The following NPFFR1 variants were observed in gnomAD, a reference collection of about 807,000 sequenced individuals.
NPFFR1 encodes the protein G-protein coupled receptor 147.
Under a neutral mutation model 12.7 loss-of-function variants are expected in NPFFR1, and 17 were observed. The ratio of observed to expected loss-of-function variants is 1.34; its 90% CI spans 0.92 to 2.01. The LOEUF (loss-of-function observed/expected upper bound fraction) is 2.01. NPFFR1 is among the 30% of genes most tolerant of loss of function. NPFFR1 has a pLI of 0.00. For missense variants in NPFFR1, 604 were observed against 606.5 expected, an observed-to-expected ratio of 1.00 and a Z score of 0.04; for synonymous variants, 296 against 264.5, an observed-to-expected ratio of 1.12 and a Z score of -1.16.
intron 1 of NPFFR1, among the ~76,000 whole-genome samples, chr10:70,272,272 G>T (rs1014854586): frequency 1.2e-4 from 14 of 115,090 alleles, no homozygotes; most frequent in African/African-American, 4.4e-4. Context: ...ATAATAGAAA[G>T]AAAACAATCC....
At chr10:70,281,145 G>A (rs1341278091) in intron 1 of NPFFR1, among the ~76,000 whole-genome samples, 1 of 152,170 alleles carries the variant, frequency 6.6e-6, no homozygotes, top group East Asian at 1.9e-4. Context: ...GATTTCAGCT[G>A]GGGTGAATGG....
intron 1 of NPFFR1, among the ~76,000 whole-genome samples, chr10:70,282,752 C>G (rs1430564355): frequency 6.6e-6 from 1 of 152,174 alleles, no homozygotes; most frequent in Non-Finnish European, 1.5e-5. Flanking sequence ...ATCTCAAAGA[C>G]ACCCAGCAAG....
chr10:70,272,179 G>A (rs1281814740), intron 1 of NPFFR1, among the ~76,000 whole-genome samples: 1 of 46,098 alleles, frequency 2.2e-5, no homozygotes, highest in African/African-American at 9.2e-5. Flanking sequence ...AAGAAAGAAG[G>A]GAGGGAGGGA....
chr10:70,257,482 C>G (rs774607277), intron 3 of NPFFR1, among the ~76,000 whole-genome samples: 6 of 152,220 alleles, frequency 3.9e-5, no homozygotes, highest in Non-Finnish European at 8.8e-5. Context: ...TCGCCATTCT[C>G]TAGTGTCAAT....
chr10:70,283,642 G>A (rs1289257667), intron 1 of NPFFR1, 28 bp downstream of exon 1: 1 of 1,533,114 alleles, frequency 6.5e-7, no homozygotes, highest in Non-Finnish European at 8.7e-7. Context: ...CTGCCCCACG[G>A]CTGGCCCCCA....
At position 70,248,467 on chromosome 10, in the gene NPFFR1, G is replaced by GTGTT; in HGVS notation, c.*6489_*6490insAACA. The GTGTT allele has an allele frequency of 1.0e-5, 1 of 96,744 alleles. No homozygotes were observed. Among genetic ancestry groups the GTGTT allele is most frequent in the Admixed American group, 1.2e-4 (1 of 8,466 alleles). 6.0% of individuals were successfully genotyped at this position (96,744 alleles called of 1,614,324 possible). A position where few individuals can be genotyped will look rare whatever the true frequency, so the allele number is the denominator to read the frequency against. ...CAAAGTACGTAGTACTATGCCTGGC[G>GTGTT]TTTTTTTTTTGTTTTTTGTTTTTTT... On this transcript the variant is annotated 3_prime_UTR_variant, in exon 4 of 4. Transcript: ENST00000277942.
chr10:70,263,785 A>T (rs540939381), intron 2 of NPFFR1, among the ~76,000 whole-genome samples: 1 of 151,978 alleles, frequency 6.6e-6, no homozygotes, highest in African/African-American at 2.4e-5. Flanking sequence ...TAAAAAAAAA[A>T]CAAAACCAAC....
At chr10:70,278,248 G>A (rs975906611) in intron 1 of NPFFR1, among the ~76,000 whole-genome samples, 3 of 151,872 alleles carry the variant, frequency 2.0e-5, no homozygotes, top group African/African-American at 7.3e-5. Context: ...TATCCAGCAA[G>A]AGGGACTCCA....
rs1840464186 is a variant in NPFFR1 at position 70,247,731 on chromosome 10, C to G, written c.*7226G>C. On this transcript the variant is annotated 3_prime_UTR_variant, in exon 4 of 4. Transcript: ENST00000277942. Reference sequence around the variant, plus strand: ...ACCCACATTAATTTGGTTGCTTGCACATGACAACAGCATCATTTATTGGTG... The same window carrying G: ...ACCCACATTAATTTGGTTGCTTGCAGATGACAACAGCATCATTTATTGGTG... 1 of 152,226 alleles carries G rather than the reference C, an allele frequency of 6.6e-6. No homozygotes were observed. Among genetic ancestry groups the G allele is most frequent in the Non-Finnish European group, 1.5e-5 (1 of 68,050 alleles). The allele number at this position is 152,226 out of a possible 1,614,324, so 9.4% of individuals were successfully genotyped here. A position where few individuals can be genotyped will look rare whatever the true frequency, so the allele number is the denominator to read the frequency against.
intron 1 of NPFFR1, among the ~76,000 whole-genome samples, chr10:70,272,898 T>C (rs1368030921): frequency 6.6e-6 from 1 of 152,208 alleles, no homozygotes; most frequent in African/African-American, 2.4e-5. Flanking sequence ...TACAAAATAG[T>C]ATGTACATGC....
chr10:70,254,972 T>C lies in NPFFR1; in HGVS notation c.1278A>G (p.Pro426=). Residue 426 remains proline, a synonymous_variant, in exon 4 of 4, where the codon CCA becomes CCG. Transcript: ENST00000277942. ...PGCSHLPLTI[P]AWDI ...CTGGACCCCCTCAGATATCCCAGGC[T>C]GGAATGGTGAGGGGCAGGTGGGAGC... 7.0e-7 allele frequency: 1 copy of C among 1,434,728 alleles called. No homozygotes were observed. The highest frequency in any genetic ancestry group is 9.1e-7 in the Non-Finnish European group (1 of 1,100,752). The allele number at this position is 1,434,728 out of a possible 1,614,324, so 88.9% of individuals were successfully genotyped here.
chr10:70,275,986 C>T (rs530738726), intron 1 of NPFFR1, among the ~76,000 whole-genome samples: 1 of 152,154 alleles, frequency 6.6e-6, no homozygotes, highest in Non-Finnish European at 1.5e-5. Context: ...AGCCAGGACG[C>T]CTGTTCTGAG....
chr10:70,272,234 A>AAGAG (rs1159469405), intron 1 of NPFFR1, among the ~76,000 whole-genome samples: 5 of 6,496 alleles, frequency 7.7e-4, no homozygotes, highest in Non-Finnish European at 8.7e-4. Context: ...GAAAGAAAGA[A>AAGAG]AGAAAGAAAG....
At chr10:70,276,597 T>TC (rs1840806935) in intron 1 of NPFFR1, among the ~76,000 whole-genome samples, 1 of 148,466 alleles carries the variant, frequency 6.7e-6, no homozygotes, top group Admixed American at 6.7e-5. Context: ...TTTTTTTTTT[T>TC]TTTTTTTGGA....
chr10:70,283,671 C>T lies in NPFFR1; in HGVS notation c.6G>A (p.Glu2=). 9 of 1,535,644 alleles carry T rather than the reference C, an allele frequency of 5.9e-6. No homozygotes were observed. Among genetic ancestry groups the T allele is most frequent in the Non-Finnish European group, 7.8e-6 (9 of 1,146,646 alleles). The part of the protein sequence containing the change: M[E]GEPSQPPNSS... ...GCCCCCAGCCCCAGGACCACTCACC[C>T]TCCATGATGCCCCCAGTTGCGGGCT... The change falls in exon 1 of 4, where the codon GAG becomes GAA. Residue 2 remains glutamate, a splice_region_variant and synonymous_variant. Coordinates refer to ENST00000277942, the MANE Select transcript of NPFFR1 (RefSeq NM_022146.5).
At chr10:70,281,407 C>T (rs1840860867) in intron 1 of NPFFR1, among the ~76,000 whole-genome samples, 1 of 152,100 alleles carries the variant, frequency 6.6e-6, no homozygotes, top group Non-Finnish European at 1.5e-5. Context: ...ATTAAGGCAC[C>T]CATTTCTTGC....
rs1840623262 is a variant in NPFFR1, at chr10:70,260,680, A to C, written c.382T>G (p.Ser128Ala). 1 of 1,611,476 alleles carries C rather than the reference A, an allele frequency of 6.2e-7. No individual in the cohort carries two copies. Among genetic ancestry groups the C allele is most frequent in the African/African-American group, 1.3e-5 (1 of 74,874 alleles). Residue 128 changes from serine (S) to alanine (A), a missense_variant, in exon 3 of 4, where the codon TCG becomes GCG. By Grantham distance (99) the Ser-to-Ala change is moderately conservative. Coordinates refer to ENST00000277942, the MANE Select transcript of NPFFR1 (RefSeq NM_022146.5). ...MSGLVQGMSV[S>A]ASVFTLVAIA... ...GCCACCAGTGTGAAAACGGAAGCCGACACAGACATGCCCTGCACCAAGCCG... is the reference window on the plus strand; with the variant it reads ...GCCACCAGTGTGAAAACGGAAGCCGCCACAGACATGCCCTGCACCAAGCCG...
At chr10:70,283,489 G>T (rs1840883626) in intron 1 of NPFFR1, among the ~76,000 whole-genome samples, 181 bp downstream of exon 1, 1 of 151,604 alleles carries the variant, frequency 6.6e-6, no homozygotes, top group Admixed American at 6.6e-5. Context: ...TGAACACATG[G>T]GCACCCCAGG....
chr10:70,280,173 C>T (rs1326342023), intron 1 of NPFFR1, among the ~76,000 whole-genome samples: 1 of 152,174 alleles, frequency 6.6e-6, no homozygotes, highest in Admixed American at 6.5e-5. Flanking sequence ...TTGTGGATAG[C>T]GCTGCAATAA....
Sources: gnomAD v4.1 joint callset for allele counts (sites outside exome capture counted in the v4.1 genomes callset) on GRCh38, gnomAD v4.1.1 for gene constraint, MANE v1.5 for transcripts, NCBI Gene and HGNC (gene_info 2026-07-23, HGNC 2026-07-21) for gene names.